The following RBFOX1 variants were observed in gnomAD, a reference collection of about 807,000 sequenced individuals.
The protein encoded by RBFOX1 is RNA binding fox-1 homolog 1, also known as RNA binding protein fox-1 homolog 1.
Under a neutral mutation model 57.7 loss-of-function variants are expected in RBFOX1, and 8 were observed. That is an observed-to-expected ratio of 0.14 (90% confidence interval 0.08 to 0.25). RBFOX1 has a LOEUF of 0.25. Ranked by LOEUF, RBFOX1 falls within the 10% of genes least tolerant of loss-of-function variation. RBFOX1 has a pLI of 1.00. For missense variants in RBFOX1, 611 were observed against 548.5 expected (o/e 1.11, Z -1.14); for synonymous variants, 326 against 222.4 (o/e 1.47, Z -4.15).
intron 2 of RBFOX1, among the ~76,000 whole-genome samples, chr16:6,396,262 G>A (rs1193234573): frequency 6.6e-6 from 1 of 152,064 alleles, no homozygotes; most frequent in Non-Finnish European, 1.5e-5. Context: ...ACCCTGGAAA[G>A]AGAGGTACTG....
rs543212869 is a variant in RBFOX1, at chr16:5,739,112, A to G, written c.319-128191A>G. Among the ~76,000 whole-genome samples, 15 of 152,340 alleles carry G rather than the reference A, an allele frequency of 9.8e-5. No homozygotes were observed. In the South Asian group the frequency reaches 1.2e-3, roughly 13 times the overall value. ...CCTTATTGTCCTTCTTGGTTTAAGT[A>G]TGTGTCTTATCCATTGGGCTGTAAA... On this transcript the variant is annotated intron_variant, in intron 3 of 19. Coordinates refer to the RBFOX1 transcript ENST00000641259.
At position 7,343,252 on chromosome 16, in the gene RBFOX1, C is replaced by A. The variant is rs751092289; in HGVS notation, c.28-174895C>A. On this transcript the variant is annotated intron_variant, in intron 4 of 15. Coordinates refer to ENST00000550418, the MANE Select transcript of RBFOX1 (RefSeq NM_018723.4). ...CCGTCACTGGGCAGCTTATGGGAAG[C>A]CTTTCGGGGGGAAATTGTAGCTCTG... 4.1e-4 allele frequency among the ~76,000 whole-genome samples: 62 copies of A among 152,192 alleles called. 2 individuals are homozygous for A. Among genetic ancestry groups the A allele is most frequent in the African/African-American group, 2.4e-5 (1 of 41,438 alleles).
rs1417389074 is a variant in RBFOX1, at chr16:7,194,284, C to A, written c.27+142186C>A. Among the ~76,000 whole-genome samples, 4 of 152,288 alleles carry A rather than the reference C, an allele frequency of 2.6e-5. No individual in the cohort carries two copies. The East Asian group carries it at 5.8e-4, about 22-fold the overall frequency. On this transcript the variant is annotated intron_variant, in intron 4 of 15. Transcript: ENST00000550418. ...TGATTGCACTGTATTTATTTTATGG[C>A]TACCTTTTATTCAGAATAAGTGATA...
chr16:6,190,823 T>C (rs2097136730), intron 1 of RBFOX1, among the ~76,000 whole-genome samples: 1 of 152,168 alleles, frequency 6.6e-6, no homozygotes, highest in Non-Finnish European at 1.5e-5. Flanking sequence ...CTAAAAGGTT[T>C]AAAGCTTAAA....
chr16:6,505,843 T>G (rs576054510), intron 2 of RBFOX1, among the ~76,000 whole-genome samples: 1 of 152,280 alleles, frequency 6.6e-6, no homozygotes, highest in Non-Finnish European at 1.5e-5. Flanking sequence ...CAGGTCCTAC[T>G]CAGTGTTGGG....
chr16:6,808,327 C>T (rs973600546), intron 3 of RBFOX1, among the ~76,000 whole-genome samples: 9 of 151,928 alleles, frequency 5.9e-5, no homozygotes, highest in Non-Finnish European at 8.8e-5. Context: ...CACTGATTCC[C>T]ATCTGATTAT....
intron 4 of RBFOX1, among the ~76,000 whole-genome samples, chr16:7,289,083 G>A (rs2095708177): frequency 6.6e-6 from 1 of 152,130 alleles, no homozygotes; most frequent in Admixed American, 6.5e-5. Flanking sequence ...TTACCCAGAA[G>A]AACACTCATG....
At chr16:6,944,050 C>A (rs1354120963) in intron 3 of RBFOX1, among the ~76,000 whole-genome samples, 1 of 152,052 alleles carries the variant, frequency 6.6e-6, no homozygotes, top group Non-Finnish European at 1.5e-5. Context: ...CAGGGACAAC[C>A]AACACTGCAA....
At chr16:7,406,846 C>G (rs1272192554) in intron 4 of RBFOX1, among the ~76,000 whole-genome samples, 1 of 152,188 alleles carries the variant, frequency 6.6e-6, no homozygotes, top group African/African-American at 2.4e-5. Flanking sequence ...AGGGGAAAGT[C>G]CATTTCCTTG....
At chr16:6,000,747 G>A (rs2060584317) in intron 4 of RBFOX1, among the ~76,000 whole-genome samples, 1 of 144,420 alleles carries the variant, frequency 6.9e-6, no homozygotes, top group African/African-American at 2.5e-5. Flanking sequence ...ATGGGTAGAT[G>A]GATGGATGAG....
At chr16:6,249,778 T>C (rs974339460) in intron 1 of RBFOX1, among the ~76,000 whole-genome samples, 2 of 151,142 alleles carry the variant, frequency 1.3e-5, no homozygotes, top group African/African-American at 4.9e-5. Flanking sequence ...TTTTCTTTTT[T>C]TTTTTTTTTA....
intron 2 of RBFOX1, among the ~76,000 whole-genome samples, chr16:6,625,273 G>T (rs1488769500): frequency 6.7e-6 from 1 of 149,614 alleles, no homozygotes; most frequent in East Asian, 2.0e-4. Flanking sequence ...AAGTGCTAAA[G>T]TGAGAAGGAC....
chr16:6,916,515 G>A (rs567085536), intron 3 of RBFOX1, among the ~76,000 whole-genome samples: 14 of 150,184 alleles, frequency 9.3e-5, no homozygotes, highest in African/African-American at 2.9e-4. Flanking sequence ...GTCATTCTAC[G>A]ACCATCTCCA....
At chr16:6,657,406 A>T (rs2098666754) in intron 3 of RBFOX1, among the ~76,000 whole-genome samples, 1 of 152,072 alleles carries the variant, frequency 6.6e-6, no homozygotes, top group Non-Finnish European at 1.5e-5. Context: ...ATGATCCCTG[A>T]GGGACGGCGT....
chr16:5,742,170 G>C (rs993956927), intron 3 of RBFOX1, among the ~76,000 whole-genome samples: 1 of 152,060 alleles, frequency 6.6e-6, no homozygotes, highest in South Asian at 2.1e-4. Flanking sequence ...TGGGAAATTT[G>C]GGCATATCCG....
chr16:7,415,483 C>T lies in RBFOX1; in HGVS notation c.28-102664C>T, dbSNP rs1009278501. On this transcript the variant is annotated intron_variant, in intron 4 of 15. Transcript: ENST00000550418. ...GTAACGGACCAACCTATGGAGAAGG[C>T]AGACAGAATGGCAATGTGGAATAAG... Among the ~76,000 whole-genome samples, 3 of 152,174 alleles carry T rather than the reference C, an allele frequency of 2.0e-5. No homozygotes were observed. The South Asian group carries it at 6.2e-4, about 32-fold the overall frequency.
intron 3 of RBFOX1, among the ~76,000 whole-genome samples, chr16:6,926,885 C>T (rs779258341): frequency 2.0e-5 from 3 of 152,074 alleles, no homozygotes; most frequent in Non-Finnish European, 4.4e-5. Context: ...AGAACCTGCG[C>T]ATTGTCCTAG....
chr16:5,456,838 C>T (rs925818776), intron 1 of RBFOX1, among the ~76,000 whole-genome samples: 2 of 152,138 alleles, frequency 1.3e-5, no homozygotes, highest in Admixed American at 1.3e-4. Flanking sequence ...CACATGGCTC[C>T]TGAGACCCCG....
At chr16:6,464,048 C>A (rs56104585) in intron 2 of RBFOX1, among the ~76,000 whole-genome samples, 1 of 152,032 alleles carries the variant, frequency 6.6e-6, no homozygotes, top group African/African-American at 2.4e-5. Flanking sequence ...TAATGTGAAT[C>A]AAATTTTCAT....
Sources: gnomAD v4.1 joint callset for allele counts (sites outside exome capture counted in the v4.1 genomes callset) on GRCh38, gnomAD v4.1.1 for gene constraint, MANE v1.5 for transcripts, NCBI Gene and HGNC (gene_info 2026-07-23, HGNC 2026-07-21) for gene names.